Variants in ZFPM2 observed in about 807,000 individuals in gnomAD.
ZFPM2 encodes zinc finger protein, FOG family member 2, also known as zinc finger protein ZFPM2.
ZFPM2 carries 20 observed loss-of-function variants against 98.6 expected under a neutral mutation model. The ratio of observed to expected loss-of-function variants is 0.20; its 90% CI spans 0.14 to 0.29. The LOEUF is 0.29. Among genes scored for constraint, ZFPM2 ranks in the 10% least tolerant of loss-of-function variants. The probability of loss-of-function intolerance (pLI) is 1.00; values close to 1 mark genes in which losing one functional copy is unlikely to be tolerated. For missense variants in ZFPM2, 1,310 were observed against 1,388.6 expected (o/e 0.94, Z 0.90); for synonymous variants, 518 against 502.7 (o/e 1.03, Z -0.41).
intron 4 of ZFPM2, among the ~76,000 whole-genome samples, chr8:105,629,537 C>A (rs1384768515): frequency 6.6e-6 from 1 of 152,188 alleles, no homozygotes; most frequent in African/African-American, 2.4e-5. Context: ...CTTAAAACAA[C>A]AGAAATTTAT....
intron 5 of ZFPM2, among the ~76,000 whole-genome samples, chr8:105,787,787 T>C (rs1304017206): frequency 3.3e-5 from 5 of 152,168 alleles, no homozygotes; most frequent in African/African-American, 7.2e-5. Flanking sequence ...ATTTCAGGCA[T>C]AACTGTATAG....
chr8:105,549,438 G>A (rs1049046311), intron 3 of ZFPM2, among the ~76,000 whole-genome samples: 1 of 151,942 alleles, frequency 6.6e-6, no homozygotes, highest in African/African-American at 2.4e-5. Flanking sequence ...AAGATGGGGA[G>A]TCGTTTTGGT....
At chr8:105,528,814 T>C (rs1814230114) in intron 3 of ZFPM2, 1 of 152,168 alleles carries the variant, frequency 6.6e-6, no homozygotes, top group African/African-American at 2.4e-5. Flanking sequence ...CCATGTTTTA[T>C]GTATGGGCAC....
At chr8:105,625,622 C>T (rs1290344087) in intron 4 of ZFPM2, among the ~76,000 whole-genome samples, 1 of 151,834 alleles carries the variant, frequency 6.6e-6, no homozygotes, top group Admixed American at 6.6e-5. Flanking sequence ...CTCTTATACC[C>T]CAGGCTGGAG....
intron 4 of ZFPM2, among the ~76,000 whole-genome samples, chr8:105,590,762 G>GCA (rs71305167): frequency 0.059 from 8,868 of 149,844 alleles, 285 homozygotes; most frequent in Middle Eastern, 0.11. Flanking sequence ...ACGTGCGCAC[G>GCA]CACACACACA....
intron 3 of ZFPM2, among the ~76,000 whole-genome samples, chr8:105,453,728 G>A (rs1586384031): frequency 6.6e-6 from 1 of 151,528 alleles, no homozygotes; most frequent in South Asian, 2.1e-4. Flanking sequence ...TGCAACCTCC[G>A]CCTCCTGGAT....
At chr8:105,762,399 C>T (rs1812752149) in intron 5 of ZFPM2, among the ~76,000 whole-genome samples, 1 of 151,854 alleles carries the variant, frequency 6.6e-6, no homozygotes, top group African/African-American at 2.4e-5. Context: ...TCCTCCACTC[C>T]AATAAAGACA....
chr8:105,456,839 C>CT (rs1180699426), intron 3 of ZFPM2, among the ~76,000 whole-genome samples: 1 of 151,948 alleles, frequency 6.6e-6, no homozygotes, highest in Non-Finnish European at 1.5e-5. Flanking sequence ...TGCCTGGCTA[C>CT]TTTTTTGTAT....
intron 7 of ZFPM2, among the ~76,000 whole-genome samples, chr8:105,800,657 A>C (rs1813972739): frequency 6.6e-6 from 1 of 152,134 alleles, no homozygotes; most frequent in African/African-American, 2.4e-5. Context: ...CTTATTCCTA[A>C]TGTAGAGGCT....
At chr8:105,502,427 A>G (rs1813614321) in intron 3 of ZFPM2, among the ~76,000 whole-genome samples, 1 of 152,164 alleles carries the variant, frequency 6.6e-6, no homozygotes, top group East Asian at 1.9e-4. Context: ...GGAGAACTTA[A>G]GGAGGTCAGG....
intron 4 of ZFPM2, among the ~76,000 whole-genome samples, chr8:105,592,053 T>C (rs1658313775): frequency 6.6e-6 from 1 of 150,848 alleles, no homozygotes; most frequent in Non-Finnish European, 1.5e-5. Flanking sequence ...CAAGGCATTA[T>C]GAAAACCCTC....
chr8:105,727,407 G>A lies in ZFPM2; in HGVS notation c.533-61311G>A, dbSNP rs1811837279. Reference sequence around the variant, plus strand: ...ATAAATAAATAAAGCATAAAATGAAGCAATGTACTATGCGATCTCCTACTA... The same window carrying A: ...ATAAATAAATAAAGCATAAAATGAAACAATGTACTATGCGATCTCCTACTA... On this transcript the variant is annotated intron_variant, in intron 5 of 7. Transcript: ENST00000407775. Among the ~76,000 whole-genome samples, 4 of 151,748 alleles carry A rather than the reference G, an allele frequency of 2.6e-5. No individual in the cohort carries two copies. The South Asian group carries it at 6.2e-4, about 24-fold the overall frequency.
rs149080471 is a variant in ZFPM2 at position 105,339,512 on chromosome 8, T to C, written c.40+20531T>C. ...TATGGCTAAGACAATATGCAAACTA[T>C]CTTCAAAGAAATCAAATTGCTAGAG... is the stretch of plus-strand genomic sequence containing the variant. On this transcript the variant is annotated intron_variant, in intron 1 of 7. Transcript: ENST00000407775. Among the ~76,000 whole-genome samples, 10 of 151,994 alleles carry C rather than the reference T, an allele frequency of 6.6e-5. No individual in the cohort carries two copies. The East Asian group carries it at 1.9e-3, about 29-fold the overall frequency.
intron 1 of ZFPM2, among the ~76,000 whole-genome samples, chr8:105,353,898 G>A (rs1021944233): frequency 6.6e-6 from 1 of 152,114 alleles, no homozygotes; most frequent in African/African-American, 2.4e-5. Context: ...TGAACTTGTA[G>A]TATGTTTTAA....
At chr8:105,427,974 A>T (rs1168887201) in intron 2 of ZFPM2, among the ~76,000 whole-genome samples, 3 of 152,186 alleles carry the variant, frequency 2.0e-5, no homozygotes, top group Admixed American at 2.0e-4. Flanking sequence ...ACTGTCCTAC[A>T]CGGTAGATGC....
intron 5 of ZFPM2, among the ~76,000 whole-genome samples, chr8:105,669,655 T>C (rs147257292): frequency 1.5e-3 from 228 of 152,122 alleles, no homozygotes; most frequent in African/African-American, 5.3e-3. Context: ...TTTTGATAAA[T>C]GTGACAGGGT....
At chr8:105,507,439 A>T (rs1326622913) in intron 3 of ZFPM2, among the ~76,000 whole-genome samples, 1 of 152,222 alleles carries the variant, frequency 6.6e-6, no homozygotes, top group African/African-American at 2.4e-5. Context: ...CTTTGCATGT[A>T]ACCACCATAA....
chr8:105,645,947 G>A (rs181705801), intron 5 of ZFPM2, among the ~76,000 whole-genome samples: 21 of 151,862 alleles, frequency 1.4e-4, no homozygotes, highest in African/African-American at 4.1e-4. Flanking sequence ...CAGCTACTCT[G>A]GAGGCTGAGA....
chr8:105,333,727 A>G (rs1812275940), intron 1 of ZFPM2, among the ~76,000 whole-genome samples: 1 of 151,702 alleles, frequency 6.6e-6, no homozygotes, highest in Non-Finnish European at 1.5e-5. Context: ...TAACCCTCTC[A>G]GGTGTTGTAA....
Sources: allele counts gnomAD v4.1 joint callset (sites outside exome capture counted in the v4.1 genomes callset), GRCh38; gene constraint gnomAD v4.1.1; transcripts MANE v1.5; gene names NCBI Gene and HGNC (gene_info 2026-07-23, HGNC 2026-07-21).